SCHIP1: variants seen among roughly 807,000 people sequenced by gnomAD.
SCHIP1 encodes schwannomin-interacting protein 1.
Under a neutral mutation model 29.7 loss-of-function variants are expected in SCHIP1, and 8 were observed. That is an observed-to-expected ratio of 0.27 (90% CI 0.16 to 0.49). The LOEUF (loss-of-function observed/expected upper bound fraction) is 0.49, where lower values mean the gene tolerates loss of function less well. Ranked by LOEUF, SCHIP1 falls within the 20% of genes least tolerant of loss-of-function variation. The pLI, the probability that SCHIP1 is intolerant of heterozygous loss-of-function variation, is 0.99. For missense variants in SCHIP1, 193 were observed against 294.6 expected (o/e 0.66, Z 2.52); for synonymous variants, 76 against 94.9 (o/e 0.80, Z 1.16).
the SCHIP1 span, among the ~76,000 whole-genome samples, chr3:159,493,611 A>C: frequency 6.6e-6 from 1 of 151,486 alleles, no homozygotes; most frequent in South Asian, 2.1e-4. Context: ...GCAAGTCCTT[A>C]GTGACCTACA....
At chr3:159,377,933 T>C in the SCHIP1 span, among the ~76,000 whole-genome samples, 6 of 152,066 alleles carry the variant, frequency 3.9e-5, no homozygotes, top group African/African-American at 1.2e-4. Flanking sequence ...CATCAGGCAC[T>C]GTCTTTGGTA....
the SCHIP1 span, among the ~76,000 whole-genome samples, chr3:159,298,038 T>C: frequency 6.6e-6 from 1 of 152,182 alleles, no homozygotes; most frequent in African/African-American, 2.4e-5. Flanking sequence ...TCTATGAGGG[T>C]AGGGAGTTTG....
chr3:159,512,710 A>T, the SCHIP1 span, among the ~76,000 whole-genome samples: 1 of 152,198 alleles, frequency 6.6e-6, no homozygotes, highest in Non-Finnish European at 1.5e-5. Context: ...AAACAATCCA[A>T]TCATATTGTT....
chr3:159,340,922 T>G, the SCHIP1 span, among the ~76,000 whole-genome samples: 1 of 152,186 alleles, frequency 6.6e-6, no homozygotes, highest in African/African-American at 2.4e-5. Flanking sequence ...ACTCAGGGCT[T>G]TTTTGCACTG....
At chr3:159,351,098 A>ACAAC in the SCHIP1 span, among the ~76,000 whole-genome samples, 1 of 152,014 alleles carries the variant, frequency 6.6e-6, no homozygotes, top group East Asian at 1.9e-4. Context: ...AGATTCTCAG[A>ACAAC]CAACCAATGG....
chr3:159,791,708 C>CT, the SCHIP1 span, among the ~76,000 whole-genome samples: 5 of 152,196 alleles, frequency 3.3e-5, no homozygotes, highest in African/African-American at 1.2e-4. Flanking sequence ...CCGTGGCTTC[C>CT]TTTGCTTTCC....
chr3:159,442,010 A>G, the SCHIP1 span, among the ~76,000 whole-genome samples: 1 of 152,154 alleles, frequency 6.6e-6, no homozygotes, highest in South Asian at 2.1e-4. Context: ...GGAGAAAAAT[A>G]ATCTTTGTAA....
chr3:159,341,779 C>T, the SCHIP1 span, among the ~76,000 whole-genome samples: 1 of 152,130 alleles, frequency 6.6e-6, no homozygotes, highest in Non-Finnish European at 1.5e-5. Context: ...CTTTCTGTAT[C>T]TAAACCAAAA....
the SCHIP1 span, among the ~76,000 whole-genome samples, chr3:159,373,771 GTA>G: frequency 6.6e-6 from 1 of 151,790 alleles, no homozygotes; most frequent in Non-Finnish European, 1.5e-5. Context: ...AGTACATTGT[GTA>G]TATATATATG....
chr3:159,776,809 C>A, the SCHIP1 span, among the ~76,000 whole-genome samples: 1 of 152,114 alleles, frequency 6.6e-6, no homozygotes, highest in African/African-American at 2.4e-5. Flanking sequence ...TTAAAGTTCT[C>A]TTTTTTTAGT....
chr3:159,347,008 C>T, the SCHIP1 span, among the ~76,000 whole-genome samples: 1 of 105,344 alleles, frequency 9.5e-6, no homozygotes, highest in South Asian at 2.9e-4. Context: ...AGGAATTACA[C>T]TGTGCCTCCC....
the SCHIP1 span, among the ~76,000 whole-genome samples, chr3:159,367,756 A>G: frequency 2.6e-5 from 4 of 152,172 alleles, no homozygotes. Flanking sequence ...CCCTCACCCT[A>G]GAATATCCTG....
At chr3:159,618,874 C>T in the SCHIP1 span, among the ~76,000 whole-genome samples, 1 of 152,200 alleles carries the variant, frequency 6.6e-6, no homozygotes, top group African/African-American at 2.4e-5. Flanking sequence ...GATTGCATCC[C>T]GGAAGCCACA....
the SCHIP1 span, among the ~76,000 whole-genome samples, chr3:159,410,587 C>A: frequency 9.2e-5 from 14 of 152,072 alleles, no homozygotes; most frequent in African/African-American, 3.1e-4. Context: ...GATAATCTCA[C>A]CTCAGTTAAA....
chr3:159,759,309 C>A, the SCHIP1 span, among the ~76,000 whole-genome samples: 26 of 152,132 alleles, frequency 1.7e-4, no homozygotes, highest in Non-Finnish European at 3.7e-4. Flanking sequence ...AAGAGAGCTA[C>A]CATGCATCCA....
At chr3:159,750,271 A>ATATATATATTGTGTGTGTG in the SCHIP1 span, among the ~76,000 whole-genome samples, 1 of 9,976 alleles carries the variant, frequency 1.0e-4, no homozygotes, top group East Asian at 1.3e-3. Flanking sequence ...GTGTATATAT[A>ATATATATATTGTGTGTGTG]TATATATATA....
At chr3:159,367,161 G>A in the SCHIP1 span, among the ~76,000 whole-genome samples, 1 of 152,276 alleles carries the variant, frequency 6.6e-6, no homozygotes, top group Admixed American at 6.5e-5. Flanking sequence ...GGGAGGCCAA[G>A]GCGGGCGGAT....
At chr3:159,628,585 CACAA>C in the SCHIP1 span, among the ~76,000 whole-genome samples, 3 of 152,022 alleles carry the variant, frequency 2.0e-5, no homozygotes, top group Non-Finnish European at 2.9e-5. Context: ...GAAAGAATTA[CACAA>C]ACATTCTAGA....
the SCHIP1 span, chr3:159,765,006 C>T: frequency 3.8e-5 from 58 of 1,532,232 alleles, no homozygotes; most frequent in East Asian, 1.2e-3. Flanking sequence ...CCCCAGACGG[C>T]GGGACGTGCG....
Sources: gnomAD v4.1 joint callset for allele counts (sites outside exome capture counted in the v4.1 genomes callset) on GRCh38, gnomAD v4.1.1 for gene constraint, MANE v1.5 for transcripts, NCBI Gene and HGNC (gene_info 2026-07-23, HGNC 2026-07-21) for gene names.